The following KCNC1 variants were observed in gnomAD, a reference collection of about 807,000 sequenced individuals.
The protein encoded by KCNC1 is potassium voltage-gated channel subfamily C member 1, also known as voltage-gated potassium channel KCNC1.
In KCNC1, 8 loss-of-function variants were observed where a neutral mutation model predicts 43.4. The observed-to-expected ratio is 0.18, with a 90% CI of 0.11 to 0.33. The LOEUF (loss-of-function observed/expected upper bound fraction) is 0.33. Ranked by LOEUF, KCNC1 falls within the 10% of genes least tolerant of loss-of-function variation. The probability of loss-of-function intolerance (pLI) is 1.00; values close to 1 mark genes in which losing one functional copy is unlikely to be tolerated. For synonymous variants in KCNC1, 361 were observed against 360.5 expected (o/e 1.00, Z -0.01); for missense variants, 420 against 836.0 (o/e 0.50, Z 6.14).
Position 17,777,625 on chromosome 11 carries a change from A to G in KCNC1, c.1505-1831A>G, listed in dbSNP as rs764080678. 2.0e-6 allele frequency: 2 copies of G among 985,884 alleles called. No homozygotes were observed. The highest frequency in any genetic ancestry group is 5.2e-4 in the Middle Eastern group (1 of 1,914). 61.1% of individuals were successfully genotyped at this position (985,884 alleles called of 1,614,324 possible). ...CCAGAGACGCCCCGGCCCCAGTCAC[A>G]TGGTGTCAGAGTTACCTTGGCAACT... On this transcript the variant is annotated intron_variant, in intron 2 of 3. Coordinates refer to ENST00000265969, the MANE Select transcript of KCNC1 (RefSeq NM_001112741.2). The surrounding 1 kb of genome is among the most constrained non-coding windows in gnomAD (Gnocchi z 4.3).
rs1454879464 is a variant in KCNC1 at position 17,742,133 on chromosome 11, G to A, written c.570+5561G>A. On this transcript the variant is annotated intron_variant, in intron 1 of 3. Transcript: ENST00000265969. This position sits in a 1 kb window ranked among gnomAD's most constrained non-coding sequence, Gnocchi z 4.2. ...AGGAGTGCTCTACCTGAGGCCCCTC[G>A]TGAGCGGGTTAGCTGAGGGCTGGCT... Among the ~76,000 whole-genome samples the A allele has an allele frequency of 6.6e-6, 1 of 152,224 alleles. No individual in the cohort carries two copies. Among genetic ancestry groups the A allele is most frequent in the East Asian group, 1.9e-4 (1 of 5,196 alleles).
intron 1 of KCNC1, among the ~76,000 whole-genome samples, chr11:17,756,459 G>C (rs1317505399): frequency 6.6e-6 from 1 of 151,764 alleles, no homozygotes; most frequent in African/African-American, 2.4e-5. Context: ...GCAGTCAACT[G>C]TGGTCCCACC....
chr11:17,771,731 G>C lies in KCNC1; in HGVS notation c.637G>C (p.Glu213Gln). The C allele has an allele frequency of 6.2e-7, 1 of 1,613,566 alleles. No individual in the cohort carries two copies. The highest frequency in any genetic ancestry group is 8.5e-7 in the Non-Finnish European group (1 of 1,179,492). The change falls in exon 2 of 4, where the codon GAG (glutamate) becomes CAG (glutamine). Residue 213 changes from glutamate (E) to glutamine (Q), a missense_variant. By Grantham distance (29) the Glu-to-Gln change is conservative. Coordinates refer to ENST00000265969, the MANE Select transcript of KCNC1 (RefSeq NM_001112741.2). This position sits in a 1 kb window ranked among gnomAD's most constrained non-coding sequence, Gnocchi z 4.7. ...SITTFCLETH[E>Q]RFNPIVNKTE... Reference sequence around the variant, plus strand: ...CACCACCTTCTGCCTGGAGACCCACGAGCGCTTCAACCCCATCGTGAACAA... The same window carrying C: ...CACCACCTTCTGCCTGGAGACCCACCAGCGCTTCAACCCCATCGTGAACAA...
intron 1 of KCNC1, among the ~76,000 whole-genome samples, chr11:17,747,585 C>A (rs7938573): frequency 0.17 from 25,616 of 152,152 alleles, 2,269 homozygotes; most frequent in African/African-American, 0.21. Context: ...TGCCCATGGG[C>A]GGTGCCCACT....
At chr11:17,767,946 T>C (rs1433447449) in intron 1 of KCNC1, among the ~76,000 whole-genome samples, 1 of 152,222 alleles carries the variant, frequency 6.6e-6, no homozygotes, top group African/African-American at 2.4e-5. Flanking sequence ...CATAATCTTA[T>C]AAGGCCTGAG....
At chr11:17,746,132 G>A (rs1353733111) in intron 1 of KCNC1, among the ~76,000 whole-genome samples, 1 of 152,182 alleles carries the variant, frequency 6.6e-6, no homozygotes, top group Non-Finnish European at 1.5e-5. Flanking sequence ...GTTCCTAGCT[G>A]AGCCTTCCTT....
chr11:17,739,688 T>C lies in KCNC1; in HGVS notation c.570+3116T>C, dbSNP rs1267895201. On this transcript the variant is annotated intron_variant, in intron 1 of 3. Coordinates refer to ENST00000265969, the MANE Select transcript of KCNC1 (RefSeq NM_001112741.2). The surrounding 1 kb of genome is among the most constrained non-coding windows in gnomAD (Gnocchi z 4.2). Reference sequence around the variant, plus strand: ...ATGTGTGAGTCTGTGTGTGTGTGTGTGTGTGTGTGTGTGTACATGCGTGTA... The same window carrying C: ...ATGTGTGAGTCTGTGTGTGTGTGTGCGTGTGTGTGTGTGTACATGCGTGTA... Among the ~76,000 whole-genome samples, 2 of 151,728 alleles carry C rather than the reference T, an allele frequency of 1.3e-5. No homozygotes were observed. Among genetic ancestry groups the C allele is most frequent in the Non-Finnish European group, 1.5e-5 (1 of 67,962 alleles).
intron 1 of KCNC1, among the ~76,000 whole-genome samples, chr11:17,740,246 G>T (rs913363906): frequency 1.3e-5 from 2 of 152,176 alleles, no homozygotes; most frequent in South Asian, 4.1e-4. Flanking sequence ...GGATGAGCTG[G>T]GACAGGATGA....
rs988243733 is a variant in KCNC1 at position 17,735,440 on chromosome 11, G to C, written c.-563G>C. 4 of 152,232 alleles carry C rather than the reference G, an allele frequency of 2.6e-5. No homozygotes were observed. Among genetic ancestry groups the C allele is most frequent in the African/African-American group, 9.6e-5 (4 of 41,558 alleles). The allele number at this position is 152,232 out of a possible 1,614,324, so 9.4% of individuals were successfully genotyped here. ...TCCATCTCCCCCGCGCCGAGAGCGC[G>C]CCGCGGCGACCACCTCACAGAGGAG... On this transcript the variant is annotated 5_prime_UTR_variant, in exon 1 of 4. Transcript: ENST00000265969. The surrounding 1 kb of genome is among the most constrained non-coding windows in gnomAD (Gnocchi z 6.7).
At position 17,770,951 on chromosome 11, in the gene KCNC1, A is replaced by G. The variant is rs1023746431; in HGVS notation, c.571-714A>G. On this transcript the variant is annotated intron_variant, in intron 1 of 3. Transcript: ENST00000265969. ...TCTCACAAAAGATCATTCAGCCTCT[A>G]TTTGAGTACCTCCAAGGACAGGGAA... is the stretch of plus-strand genomic sequence containing the variant. Among the ~76,000 whole-genome samples the G allele has an allele frequency of 3.9e-5, 6 of 152,180 alleles. 1 individual carries two copies. The South Asian group carries it at 1.0e-3, about 26-fold the overall frequency.
intron 1 of KCNC1, among the ~76,000 whole-genome samples, chr11:17,745,699 C>T (rs1447606942): frequency 5.3e-5 from 8 of 152,128 alleles, no homozygotes; most frequent in African/African-American, 1.7e-4. Context: ...TGGCTTTCCT[C>T]CCCAGCGCTG....
rs1848936651 is a variant in KCNC1 at position 17,749,153 on chromosome 11, TAGTA to T, written c.570+12585_570+12588del. Among the ~76,000 whole-genome samples the T allele has an allele frequency of 2.6e-5, 4 of 152,192 alleles. No individual in the cohort carries two copies. In the South Asian group the frequency reaches 8.3e-4, roughly 31 times the overall value. On this transcript the variant is annotated intron_variant, in intron 1 of 3. Coordinates refer to ENST00000265969, the MANE Select transcript of KCNC1 (RefSeq NM_001112741.2). ...CTGCTAGTTCTTAGCTGTGTGATCT[TAGTA>T]AGTCTCAGTCACCTCAGCTGTCAAG... is the stretch of plus-strand genomic sequence containing the variant.
chr11:17,779,324 A>C lies in KCNC1; in HGVS notation c.1505-132A>C. 1.4e-6 allele frequency: 1 copy of C among 705,840 alleles called. No individual in the cohort carries two copies. The highest frequency in any genetic ancestry group is 2.2e-6 in the Non-Finnish European group (1 of 452,300). The allele number at this position is 705,840 out of a possible 1,614,324, so 43.7% of individuals were successfully genotyped here. A position where few individuals can be genotyped will look rare whatever the true frequency, so the allele number is the denominator to read the frequency against. On this transcript the variant is annotated intron_variant, in intron 2 of 3. Coordinates refer to ENST00000265969, the MANE Select transcript of KCNC1 (RefSeq NM_001112741.2). The surrounding 1 kb of genome is among the most constrained non-coding windows in gnomAD (Gnocchi z 7.2). ...CTGCCTTGTGCCCTCCTCGCTCCAC[A>C]GCCTGCCCGCTTTTCCGTCCTCAGG... is the stretch of plus-strand genomic sequence containing the variant.
At chr11:17,754,962 A>C (rs1022504581) in intron 1 of KCNC1, among the ~76,000 whole-genome samples, 5 of 152,132 alleles carry the variant, frequency 3.3e-5, no homozygotes, top group African/African-American at 9.7e-5. Flanking sequence ...AAAGCTGAGG[A>C]AAGTTGGCAT....
At position 17,735,855 on chromosome 11, in the gene KCNC1, G is replaced by A. The variant is rs1441246962; in HGVS notation, c.-148G>A. On this transcript the variant is annotated 5_prime_UTR_variant, in exon 1 of 4. Coordinates refer to ENST00000265969, the MANE Select transcript of KCNC1 (RefSeq NM_001112741.2). This position sits in a 1 kb window ranked among gnomAD's most constrained non-coding sequence, Gnocchi z 6.7. ...CCGGAGAGGCTTGGCTCGCTCGTTG[G>A]GGTGGCCAGAGCCGCAGGCCTCTGT... 2 of 888,106 alleles carry A rather than the reference G, an allele frequency of 2.3e-6. No individual in the cohort carries two copies. The highest frequency in any genetic ancestry group is 3.9e-5 in the Admixed American group (1 of 25,478). 55.0% of individuals were successfully genotyped at this position (888,106 alleles called of 1,614,324 possible).
rs373384641 is a variant in KCNC1, at chr11:17,739,175, C to G, written c.570+2603C>G. Among the ~76,000 whole-genome samples the G allele has an allele frequency of 4.6e-5, 7 of 152,198 alleles. No homozygotes were observed. Among genetic ancestry groups the G allele is most frequent in the African/African-American group, 1.4e-4 (6 of 41,428 alleles). On this transcript the variant is annotated intron_variant, in intron 1 of 3. Coordinates refer to ENST00000265969, the MANE Select transcript of KCNC1 (RefSeq NM_001112741.2). The surrounding 1 kb of genome is among the most constrained non-coding windows in gnomAD (Gnocchi z 4.2). ...TTTACCCCTCCCCCACACGGGGCCC[C>G]GAGACTCCTCACACCAGCGGGTCGG...
chr11:17,747,303 G>T (rs924970611), intron 1 of KCNC1, among the ~76,000 whole-genome samples: 1 of 152,186 alleles, frequency 6.6e-6, no homozygotes, highest in African/African-American at 2.4e-5. Context: ...GCTTGTCCCT[G>T]CTCTTCCTCC....
chr11:17,772,923 C>CAGG, intron 2 of KCNC1: 1 of 1,209,358 alleles, frequency 8.3e-7, no homozygotes, highest in South Asian at 2.7e-5. Flanking sequence ...CTTGGTGGGG[C>CAGG]AGGAGTCCGG....
rs1229390579 is a variant in KCNC1, at chr11:17,763,937, A to C, written c.571-7728A>C. 1.6e-5 allele frequency among the ~76,000 whole-genome samples: 2 copies of C among 121,666 alleles called. 1 individual carries two copies. Among genetic ancestry groups the C allele is most frequent in the African/African-American group, 6.4e-5 (2 of 31,174 alleles). The allele number at this position is 121,666 out of a possible 152,430, so 79.8% of individuals were successfully genotyped here. On this transcript the variant is annotated intron_variant, in intron 1 of 3. Coordinates refer to ENST00000265969, the MANE Select transcript of KCNC1 (RefSeq NM_001112741.2). ...ACCACACATGCACATATACACGCCC[A>C]CACACACACACACCCACACACAGCA...
Sources: allele counts gnomAD v4.1 joint callset (sites outside exome capture counted in the v4.1 genomes callset), GRCh38; gene constraint gnomAD v4.1.1; non-coding constraint Gnocchi (gnomAD v3.1); transcripts MANE v1.5; gene names NCBI Gene and HGNC (gene_info 2026-07-23, HGNC 2026-07-21).